GRID2: variants seen among roughly 807,000 people sequenced by gnomAD.
GRID2 encodes the protein glutamate receptor ionotropic, delta-2.
GRID2 carries 33 observed loss-of-function variants against 114.8 expected under a neutral mutation model. The observed-to-expected ratio is 0.29, with a 90% CI of 0.22 to 0.38. GRID2 has a LOEUF of 0.38. GRID2 is among the 10% of genes least tolerant of loss of function. The pLI is 1.00. For missense variants in GRID2, 1,184 were observed against 1,257.7 expected, an observed-to-expected ratio of 0.94 and a Z score of 0.89; for synonymous variants, 505 against 449.9, an observed-to-expected ratio of 1.12 and a Z score of -1.55.
intron 13 of GRID2, among the ~76,000 whole-genome samples, chr4:93,591,966 G>C (rs1306940824): frequency 4.0e-5 from 6 of 151,734 alleles, no homozygotes; most frequent in Admixed American, 3.9e-4. Context: ...TATTAGTCTT[G>C]CTAGTGCTCT....
At chr4:92,777,405 C>T (rs1738863013) in intron 2 of GRID2, among the ~76,000 whole-genome samples, 1 of 152,056 alleles carries the variant, frequency 6.6e-6, no homozygotes, top group South Asian at 2.1e-4. Context: ...TTTTTCTCAT[C>T]CAGTCCAAAT....
chr4:92,885,252 T>G (rs1175455786), intron 2 of GRID2: 1 of 165,292 alleles, frequency 6.0e-6, no homozygotes, highest in African/African-American at 2.4e-5. Flanking sequence ...TTGATGGTAA[T>G]GTTTCTACTG....
At chr4:92,948,130 A>G (rs1284615875) in intron 2 of GRID2, among the ~76,000 whole-genome samples, 1 of 151,772 alleles carries the variant, frequency 6.6e-6, no homozygotes, top group African/African-American at 2.4e-5. Flanking sequence ...TTATACTCCT[A>G]CCTGAGGTTT....
In GRID2 at chr4:92,937,494, A is replaced by T. The variant is rs775255463; in HGVS notation, c.245-147501A>T. 6.2e-4 allele frequency among the ~76,000 whole-genome samples: 90 copies of T among 146,228 alleles called. 10 individuals carry two copies. The highest frequency in any genetic ancestry group is 2.3e-3 in the Admixed American group (31 of 13,444). On this transcript the variant is annotated intron_variant, in intron 2 of 15. Transcript: ENST00000282020. ...TGGCACCCATGTCAACAACCAGTTG[A>T]CCATAGGCCCCTGGGTTTACTTCTG...
intron 1 of GRID2, among the ~76,000 whole-genome samples, chr4:92,346,082 G>GTGC (rs1421710874): frequency 1.3e-5 from 2 of 152,122 alleles, no homozygotes; most frequent in African/African-American, 4.8e-5. Flanking sequence ...ACTTACTTTA[G>GTGC]TGCTACCTTA....
At chr4:92,793,970 G>A (rs1739720670) in intron 2 of GRID2, among the ~76,000 whole-genome samples, 1 of 151,886 alleles carries the variant, frequency 6.6e-6, no homozygotes, top group African/African-American at 2.4e-5. Context: ...CAAATTTTTA[G>A]AAGGTAGGGA....
intron 7 of GRID2, among the ~76,000 whole-genome samples, chr4:93,233,806 A>G (rs1746438019): frequency 6.6e-6 from 1 of 152,150 alleles, no homozygotes; most frequent in East Asian, 1.9e-4. Flanking sequence ...GTTGTGGGCC[A>G]TGGGATGGAT....
At chr4:93,745,161 G>C (rs1307329843) in intron 14 of GRID2, among the ~76,000 whole-genome samples, 2 of 152,198 alleles carry the variant, frequency 1.3e-5, no homozygotes, top group South Asian at 4.1e-4. Flanking sequence ...GGCTGTAATT[G>C]TTATTGCTGT....
rs575562503 is a variant in GRID2 at position 92,741,495 on chromosome 4, A to G, written c.244+151209A>G. ...GTATATGAAATCCTACATGCCATCC[A>G]AACTAAACCCATGTTTGCTCCATCA... is the stretch of plus-strand genomic sequence containing the variant. On this transcript the variant is annotated intron_variant, in intron 2 of 15. Transcript: ENST00000282020. Among the ~76,000 whole-genome samples, 123 of 152,304 alleles carry G rather than the reference A, an allele frequency of 8.1e-4. 1 individual carries two copies. Among genetic ancestry groups the G allele is most frequent in the African/African-American group, 2.9e-3 (121 of 41,566 alleles).
At chr4:93,374,082 A>G (rs551261128) in intron 8 of GRID2, among the ~76,000 whole-genome samples, 1 of 152,264 alleles carries the variant, frequency 6.6e-6, no homozygotes, top group Admixed American at 6.5e-5. Context: ...AATGCCTAAG[A>G]CAGGTAGATT....
At chr4:93,432,708 C>T (rs575954487) in intron 10 of GRID2, among the ~76,000 whole-genome samples, 1 of 152,186 alleles carries the variant, frequency 6.6e-6, no homozygotes, top group African/African-American at 2.4e-5. Context: ...CTTGTCAAAA[C>T]CCATAGAAAG....
intron 1 of GRID2, among the ~76,000 whole-genome samples, chr4:92,589,167 C>A: frequency 6.6e-6 from 1 of 152,112 alleles, no homozygotes; most frequent in Non-Finnish European, 1.5e-5. Flanking sequence ...CAGCTCCACA[C>A]TGGCTTTATA....
chr4:92,542,755 C>G (rs528889213), intron 1 of GRID2, among the ~76,000 whole-genome samples: 2 of 151,252 alleles, frequency 1.3e-5, no homozygotes, highest in East Asian at 3.9e-4. Context: ...CTAAACATAA[C>G]CTATTCCCCA....
intron 2 of GRID2, among the ~76,000 whole-genome samples, chr4:92,704,415 A>G (rs1734839789): frequency 6.6e-6 from 1 of 152,102 alleles, no homozygotes; most frequent in Non-Finnish European, 1.5e-5. Context: ...CACATTAATC[A>G]TTTGTCATTT....
At chr4:93,139,365 C>G (rs1258508607) in intron 4 of GRID2, among the ~76,000 whole-genome samples, 1 of 152,150 alleles carries the variant, frequency 6.6e-6, no homozygotes, top group Non-Finnish European at 1.5e-5. Flanking sequence ...ACACATTATT[C>G]TCCCCATTGG....
intron 6 of GRID2, among the ~76,000 whole-genome samples, chr4:93,222,627 C>T (rs1350519075): frequency 1.3e-5 from 2 of 151,816 alleles, no homozygotes; most frequent in African/African-American, 2.4e-5. Context: ...CCCCCAACCC[C>T]ACAACAGGCC....
intron 14 of GRID2, among the ~76,000 whole-genome samples, chr4:93,754,564 C>T (rs1023689636): frequency 6.6e-6 from 1 of 152,070 alleles, no homozygotes; most frequent in Admixed American, 6.6e-5. Context: ...AACAAATAGA[C>T]AGAGTGTAGT....
At chr4:93,383,835 A>C (rs571619415) in intron 8 of GRID2, among the ~76,000 whole-genome samples, 2 of 152,236 alleles carry the variant, frequency 1.3e-5, no homozygotes, top group South Asian at 4.1e-4. Context: ...TGAGAAGAGA[A>C]AACCTGTGAG....
At chr4:93,099,987 A>G (rs1731561602) in intron 3 of GRID2, among the ~76,000 whole-genome samples, 1 of 151,944 alleles carries the variant, frequency 6.6e-6, no homozygotes, top group South Asian at 2.1e-4. Context: ...CTCTCTAGAC[A>G]GTCTTAAAGC....
Sources: gnomAD v4.1 joint callset for allele counts (sites outside exome capture counted in the v4.1 genomes callset) on GRCh38, gnomAD v4.1.1 for gene constraint, MANE v1.5 for transcripts, NCBI Gene and HGNC (gene_info 2026-07-23, HGNC 2026-07-21) for gene names.